Variants in COL17A1 observed in about 807,000 individuals in gnomAD.
COL17A1 encodes collagen type XVII alpha 1 chain.
In COL17A1, 181 loss-of-function variants were observed where a neutral mutation model predicts 218.4. That is an observed-to-expected ratio of 0.83 (90% CI 0.73 to 0.94). The LOEUF (loss-of-function observed/expected upper bound fraction) is 0.94. Ranked by LOEUF, COL17A1 falls within the 40% of genes least tolerant of loss-of-function variation. The pLI is 0.00. For synonymous variants in COL17A1, 721 were observed against 731.0 expected, an observed-to-expected ratio of 0.99 and a Z score of 0.22; for missense variants, 1,924 against 1,945.9, an observed-to-expected ratio of 0.99 and a Z score of 0.21.
At chr10:104,042,357 C>A in intron 36 of COL17A1, 63 bp downstream of exon 36, 1 of 1,562,662 alleles carries the variant, frequency 6.4e-7, no homozygotes, top group Non-Finnish European at 8.8e-7. Context: ...CCCATGTCCA[C>A]CCTGAGAGGA....
At chr10:104,036,357 A>C in intron 48 of COL17A1, 135 bp downstream of exon 48, 1 of 1,290,762 alleles carries the variant, frequency 7.7e-7, no homozygotes, top group Non-Finnish European at 1.1e-6. Flanking sequence ...AACGGCTCTG[A>C]GCACTGCTCA....
At chr10:104,046,683 T>G (rs2086413569) in intron 32 of COL17A1, 64 bp downstream of exon 32, 7 of 1,545,630 alleles carry the variant, frequency 4.5e-6, no homozygotes, top group Non-Finnish European at 6.3e-6. Flanking sequence ...GGAAAAGCCC[T>G]GGCCCAAGCA....
chr10:104,068,751 C>G (rs2086646948), intron 9 of COL17A1, among the ~76,000 whole-genome samples: 1 of 152,228 alleles, frequency 6.6e-6, no homozygotes, highest in South Asian at 2.1e-4. Context: ...GGGGAACAGG[C>G]TTGCAGATAA....
intron 46 of COL17A1, 32 bp from the exon 47 acceptor site, chr10:104,037,145 T>TA (rs1645036701): frequency 6.4e-7 from 1 of 1,563,446 alleles, no homozygotes; most frequent in Non-Finnish European, 8.7e-7. Context: ...GTTACCTGCT[T>TA]AGCAGGTACT....
chr10:104,082,593 C>T (rs1248158156), intron 1 of COL17A1, among the ~76,000 whole-genome samples: 1 of 152,168 alleles, frequency 6.6e-6, no homozygotes, highest in Non-Finnish European at 1.5e-5. Flanking sequence ...GAAACTTTTA[C>T]TTCCTACAAG....
rs148834519 is a variant in COL17A1, at chr10:104,038,747, C to T, written c.2948-219G>A. On this transcript the variant is annotated intron_variant, in intron 44 of 55. Coordinates refer to ENST00000648076, the MANE Select transcript of COL17A1 (RefSeq NM_000494.4). The stretch of plus-strand genomic sequence containing the variant: ...GCTAGGAAGCTGCCCCAGGCCAAAC[C>T]GCCCTTTCCTTCTGCAACCTGCTGA... Among the ~76,000 whole-genome samples, 231 of 152,212 alleles carry T rather than the reference C, an allele frequency of 1.5e-3. 1 individual carries two copies. Among genetic ancestry groups the T allele is most frequent in the African/African-American group, 5.4e-3 (223 of 41,536 alleles).
At position 104,057,184 on chromosome 10, in the gene COL17A1, A is replaced by G; in HGVS notation, c.1268-12T>C. 6.2e-7 allele frequency: 1 copy of G among 1,613,918 alleles called. No individual in the cohort carries two copies. The highest frequency in any genetic ancestry group is 1.1e-5 in the South Asian group (1 of 91,072). Reference sequence around the variant, plus strand: ...GTAGCTGTGGATATCTGTGAAAGAGACAGGGAAAATGAAGCAAATGCAGGC... The same window carrying G: ...GTAGCTGTGGATATCTGTGAAAGAGGCAGGGAAAATGAAGCAAATGCAGGC... On this transcript the variant is annotated splice_polypyrimidine_tract_variant and intron_variant, in intron 16 of 55. Transcript: ENST00000648076.
chr10:104,034,811 A>C, intron 50 of COL17A1, 44 bp from the exon 51 acceptor site: 1 of 1,600,446 alleles, frequency 6.2e-7, no homozygotes, highest in South Asian at 1.1e-5. Context: ...AGTGCTGCGG[A>C]GGAAGCTGAA....
At chr10:104,033,492 C>A in intron 52 of COL17A1, 117 bp from the exon 53 acceptor site, 1 of 1,263,068 alleles carries the variant, frequency 7.9e-7, no homozygotes, top group Non-Finnish European at 1.1e-6. Context: ...GATCAAGCCG[C>A]AGCAAGGGTG....
In COL17A1 at chr10:104,032,077, A is replaced by G; in HGVS notation, c.*158T>C. ...GTATCTTTGACTGAATTCTATAAGTATATATTGTTCAGACTAAAACAAATG... is the reference window on the plus strand; with the variant it reads ...GTATCTTTGACTGAATTCTATAAGTGTATATTGTTCAGACTAAAACAAATG... On this transcript the variant is annotated 3_prime_UTR_variant, in exon 56 of 56. Coordinates refer to ENST00000648076, the MANE Select transcript of COL17A1 (RefSeq NM_000494.4). 3 of 673,456 alleles carry G rather than the reference A, an allele frequency of 4.5e-6. No individual in the cohort carries two copies. Among genetic ancestry groups the G allele is most frequent in the Non-Finnish European group, 8.1e-6 (3 of 370,524 alleles). The allele number at this position is 673,456 out of a possible 1,614,324, so 41.7% of individuals were successfully genotyped here. A position where few individuals can be genotyped will look rare whatever the true frequency, so the allele number is the denominator to read the frequency against.
Position 104,032,954 on chromosome 10 carries a change from G to A in COL17A1, c.4309C>T (p.Gln1437Ter). Residue 1437 changes from glutamine (Q) to a stop codon, truncating the protein, a stop_gained, in exon 54 of 56, where the codon CAA becomes TAA. Coordinates refer to ENST00000648076, the MANE Select transcript of COL17A1 (RefSeq NM_000494.4). LOFTEE classifies it high-confidence loss of function. ...TCTCCTTTTTGCCCAGGGGGTCCTT[G>A]AATGGCTCCATAAGCTGCAAAAGCA... ...MDFFQTYGAI[Q>*]GPPGQKGEMG... is the part of the protein sequence containing the mutation. 1 of 1,614,034 alleles carries A rather than the reference G, an allele frequency of 6.2e-7. No homozygotes were observed. The highest frequency in any genetic ancestry group is 8.5e-7 in the Non-Finnish European group (1 of 1,179,964).
At position 104,057,015 on chromosome 10, in the gene COL17A1, C is replaced by T; in HGVS notation, c.1425G>A (p.Trp475Ter). Reference protein sequence around the residue: ...WKWLLGLLLTWLLLLGLLFGL... With the variant: ...WKWLLGLLLT The stretch of plus-strand genomic sequence containing the variant: ...CGAAGAGCAGCCCCAGGAGTAGCAG[C>T]CAGGTGAGCAGCAGGCCCAGCAGCC... Residue 475 changes from tryptophan to a stop codon, truncating the protein, a stop_gained, in exon 17 of 56, where the codon TGG becomes TGA. Coordinates refer to ENST00000648076, the MANE Select transcript of COL17A1 (RefSeq NM_000494.4). LOFTEE classifies it high-confidence loss of function. 1 of 1,593,576 alleles carries T rather than the reference C, an allele frequency of 6.3e-7. No individual in the cohort carries two copies. Among genetic ancestry groups the T allele is most frequent in the Non-Finnish European group, 8.5e-7 (1 of 1,170,402 alleles).
At chr10:104,048,258 A>G (rs1307551365) in intron 29 of COL17A1, 154 bp from the exon 30 acceptor site, 1 of 807,084 alleles carries the variant, frequency 1.2e-6, no homozygotes, top group African/African-American at 1.7e-5. Context: ...CTCTCTGGAT[A>G]CGGTACTCCC....
At chr10:104,036,089 AGT>A (rs371776835) in intron 48 of COL17A1, among the ~76,000 whole-genome samples, 25 of 1,498 alleles carry the variant, frequency 0.017, 1 homozygote, top group South Asian at 0.043. Context: ...TGTGTATGGG[AGT>A]GTGTGTGTAT....
At chr10:104,040,915 G>C in intron 39 of COL17A1, 150 bp downstream of exon 39, 2 of 917,758 alleles carry the variant, frequency 2.2e-6, no homozygotes, top group Non-Finnish European at 3.5e-6. Context: ...TCCATGTGCA[G>C]CAAGCAGGAA....
chr10:104,045,699 C>T (rs780334628), intron 33 of COL17A1, 59 bp downstream of exon 33: 1 of 1,417,622 alleles, frequency 7.1e-7, no homozygotes, highest in African/African-American at 1.4e-5. Flanking sequence ...CTGTCCATCC[C>T]TTCCTTCCAC....
Position 104,077,518 on chromosome 10 carries a change from T to A in COL17A1, c.106A>T (p.Thr36Ser). ...GCTGTTTTAGCATAGCCATTGCTGG[T>A]CCCGCCTTCTGCCAGGAACAAAAGC... ...RLTSLPPKGG[T>S]SNGYAKTASL... The change falls in exon 4 of 56, where the codon ACC becomes TCC. Residue 36 changes from threonine (T) to serine (S), a missense_variant. Physicochemically the swap from Thr to Ser is moderately conservative, Grantham distance 58 (BLOSUM62 1). Coordinates refer to ENST00000648076, the MANE Select transcript of COL17A1 (RefSeq NM_000494.4). The A allele has an allele frequency of 6.2e-7, 1 of 1,611,262 alleles. No homozygotes were observed. The highest frequency in any genetic ancestry group is 8.5e-7 in the Non-Finnish European group (1 of 1,178,984).
At position 104,054,111 on chromosome 10, in the gene COL17A1, T is replaced by C; in HGVS notation, c.1752A>G (p.Arg584=). ...ACATACCTGGAGTCCCAGGGAACCC[T>C]CGATCTCCTGCAGGAACAAAGGCAA... ...DMGSPGPKGD[R]GFPGTPGIPG... is the part of the protein sequence containing the mutation. Residue 584 remains arginine, a synonymous_variant, in exon 21 of 56, where the codon CGA becomes CGG. Coordinates refer to ENST00000648076, the MANE Select transcript of COL17A1 (RefSeq NM_000494.4). The C allele has an allele frequency of 1.2e-6, 2 of 1,609,816 alleles. No individual in the cohort carries two copies. Among genetic ancestry groups the C allele is most frequent in the Non-Finnish European group, 1.7e-6 (2 of 1,178,028 alleles).
chr10:104,042,020 C>A (rs1451804854), intron 36 of COL17A1, among the ~76,000 whole-genome samples: 1 of 152,220 alleles, frequency 6.6e-6, no homozygotes, highest in East Asian at 1.9e-4. Flanking sequence ...GGGCTGAAGC[C>A]TCTGCTGTTC....
Sources: gnomAD v4.1 joint callset for allele counts (sites outside exome capture counted in the v4.1 genomes callset) on GRCh38, gnomAD v4.1.1 for gene constraint, MANE v1.5 for transcripts, NCBI Gene and HGNC (gene_info 2026-07-23, HGNC 2026-07-21) for gene names.